DNER: variants seen among roughly 807,000 people sequenced by gnomAD.
DNER encodes delta/notch like EGF repeat containing.
In DNER, 33 loss-of-function variants were observed where a neutral mutation model predicts 78.2. The ratio of observed to expected loss-of-function variants is 0.42; its 90% CI spans 0.32 to 0.56. DNER has a LOEUF of 0.56. DNER is among the 20% of genes least tolerant of loss of function. The pLI is 0.11. For synonymous variants in DNER, 417 were observed against 384.8 expected, an observed-to-expected ratio of 1.08 and a Z score of -0.98; for missense variants, 918 against 975.3, an observed-to-expected ratio of 0.94 and a Z score of 0.78.
chr2:229,617,681 T>C (rs372423657), intron 1 of DNER, among the ~76,000 whole-genome samples: 3 of 152,342 alleles, frequency 2.0e-5, no homozygotes, highest in African/African-American at 4.8e-5. Context: ...AGGCTGGGCA[T>C]GGTAGCTCTC....
chr2:229,568,903 T>C (rs749952369), intron 4 of DNER, among the ~76,000 whole-genome samples: 31 of 152,160 alleles, frequency 2.0e-4, no homozygotes, highest in Non-Finnish European at 4.1e-4. Context: ...CTATTATACC[T>C]ACCAAATCTT....
chr2:229,641,575 G>A (rs1265148870), intron 1 of DNER, among the ~76,000 whole-genome samples: 1 of 129,140 alleles, frequency 7.7e-6, no homozygotes, highest in Non-Finnish European at 1.5e-5. Flanking sequence ...TGTGACCCCA[G>A]AGACTTTTTA....
At chr2:229,567,651 G>A (rs1697138251) in intron 4 of DNER, among the ~76,000 whole-genome samples, 1 of 152,182 alleles carries the variant, frequency 6.6e-6, no homozygotes, top group Non-Finnish European at 1.5e-5. Context: ...GCCAATTTAG[G>A]TAGAAGGCCT....
At chr2:229,627,806 C>T (rs1455848394) in intron 1 of DNER, among the ~76,000 whole-genome samples, 1 of 152,160 alleles carries the variant, frequency 6.6e-6, no homozygotes, top group East Asian at 1.9e-4. Context: ...CTAGGAACCC[C>T]AGGCAAGTTG....
intron 1 of DNER, among the ~76,000 whole-genome samples, chr2:229,628,221 G>A (rs1698378044): frequency 6.6e-6 from 1 of 152,164 alleles, no homozygotes; most frequent in Non-Finnish European, 1.5e-5. Flanking sequence ...CGGCAGAGGA[G>A]GGGAAATAGA....
intron 1 of DNER, among the ~76,000 whole-genome samples, chr2:229,633,836 G>A (rs775796003): frequency 2.0e-5 from 3 of 152,208 alleles, no homozygotes; most frequent in Non-Finnish European, 2.9e-5. Context: ...ATAGAGCAGC[G>A]TCTCTGGGCA....
At chr2:229,387,771 G>A (rs907545646) in intron 11 of DNER, among the ~76,000 whole-genome samples, 1 of 151,960 alleles carries the variant, frequency 6.6e-6, no homozygotes, top group Non-Finnish European at 1.5e-5. Context: ...TTTCTTTTAA[G>A]CTTGTCTTCA....
At chr2:229,678,878 A>T (rs777527148) in intron 1 of DNER, among the ~76,000 whole-genome samples, 1 of 152,220 alleles carries the variant, frequency 6.6e-6, no homozygotes, top group Non-Finnish European at 1.5e-5. Flanking sequence ...AATGTATCAG[A>T]TAATAAATAC....
intron 6 of DNER, among the ~76,000 whole-genome samples, chr2:229,505,744 C>CG (rs1429988916): frequency 6.6e-6 from 1 of 152,128 alleles, no homozygotes; most frequent in African/African-American, 2.4e-5. Flanking sequence ...TCAAGAACCT[C>CG]AGAAAATAAA....
At chr2:229,634,256 T>C (rs961493580) in intron 1 of DNER, among the ~76,000 whole-genome samples, 2 of 148,544 alleles carry the variant, frequency 1.3e-5, no homozygotes, top group African/African-American at 5.2e-5. Flanking sequence ...TTTCCTTCTT[T>C]CCTTCCTTCC....
At chr2:229,393,176 C>T (rs1241009038) in intron 10 of DNER, among the ~76,000 whole-genome samples, 2 of 152,126 alleles carry the variant, frequency 1.3e-5, no homozygotes, top group Admixed American at 1.3e-4. Flanking sequence ...ACCTGTAATC[C>T]CAGCACTCTG....
intron 1 of DNER, among the ~76,000 whole-genome samples, chr2:229,702,699 C>T (rs939155856): frequency 2.0e-5 from 3 of 151,692 alleles, no homozygotes; most frequent in African/African-American, 7.3e-5. Flanking sequence ...AGGCGGATCA[C>T]GAGGTCAGGA....
intron 8 of DNER, among the ~76,000 whole-genome samples, chr2:229,435,939 A>G (rs1694112955): frequency 6.6e-6 from 1 of 152,208 alleles, no homozygotes; most frequent in Admixed American, 6.5e-5. Context: ...CAAGTTAACA[A>G]CATTTGATTG....
At chr2:229,663,307 T>C (rs1699037993) in intron 1 of DNER, among the ~76,000 whole-genome samples, 1 of 152,178 alleles carries the variant, frequency 6.6e-6, no homozygotes, top group African/African-American at 2.4e-5. Flanking sequence ...GAAAAGAGTT[T>C]TTCCATGATG....
intron 11 of DNER, 97 bp from the exon 12 acceptor site, chr2:229,367,216 G>A (rs777202282): frequency 6.6e-7 from 1 of 1,505,472 alleles, no homozygotes; most frequent in South Asian, 1.3e-5. Context: ...AAAACCTAAG[G>A]GCCATTCAAA....
chr2:229,521,408 A>T (rs1205378860), intron 5 of DNER, among the ~76,000 whole-genome samples: 2 of 152,198 alleles, frequency 1.3e-5, no homozygotes, highest in Non-Finnish European at 2.9e-5. Context: ...AGGTCACAGA[A>T]ACCTTGTCCT....
chr2:229,502,956 T>C (rs56137664), intron 6 of DNER, among the ~76,000 whole-genome samples: 20,914 of 152,182 alleles, frequency 0.14, 1,762 homozygotes, highest in African/African-American at 0.23. Context: ...GCTGGTATGA[T>C]TAAGCAATTC....
At chr2:229,539,646 T>C (rs1206032818) in intron 5 of DNER, among the ~76,000 whole-genome samples, 1 of 152,244 alleles carries the variant, frequency 6.6e-6, no homozygotes, top group East Asian at 1.9e-4. Flanking sequence ...TTCTTTTATT[T>C]GTTTTTCTCG....
intron 6 of DNER, among the ~76,000 whole-genome samples, chr2:229,479,188 C>T (rs1258532240): frequency 5.9e-5 from 9 of 152,064 alleles, no homozygotes; most frequent in African/African-American, 2.2e-4. Context: ...GAGAACCACC[C>T]CATTTAACAA....
Sources: allele counts gnomAD v4.1 joint callset (sites outside exome capture counted in the v4.1 genomes callset), GRCh38; gene constraint gnomAD v4.1.1; transcripts MANE v1.5; gene names NCBI Gene and HGNC (gene_info 2026-07-23, HGNC 2026-07-21).